The following PRDM8 variants were observed in gnomAD, a reference collection of about 807,000 sequenced individuals.
PRDM8 encodes the protein PR domain zinc finger protein 8.
In PRDM8, 13 loss-of-function variants were observed where a neutral mutation model predicts 46.5. The observed-to-expected ratio is 0.28, with a 90% confidence interval of 0.18 to 0.44. The LOEUF (loss-of-function observed/expected upper bound fraction) is 0.44. Ranked by LOEUF, PRDM8 falls within the 20% of genes least tolerant of loss-of-function variation. The pLI is 1.00. For synonymous variants in PRDM8, 473 were observed against 438.4 expected, an observed-to-expected ratio of 1.08 and a Z score of -0.98; for missense variants, 998 against 955.0, an observed-to-expected ratio of 1.04 and a Z score of -0.59.
chr4:80,187,249 C>CGGGG (rs138488658), intron 1 of PRDM8, among the ~76,000 whole-genome samples: 3 of 121,638 alleles, frequency 2.5e-5, no homozygotes, highest in Non-Finnish European at 5.8e-5. Flanking sequence ...TGCCCTGGGG[C>CGGGG]GGGGGGAAGC....
chr4:80,203,877 A>T lies in PRDM8; in HGVS notation c.*345A>T, dbSNP rs1160004125. ...TCCCCAAAACAAAGGTACATTTTTT[A>T]AAATGTCATATATTGCAACATATTG... is the stretch of plus-strand genomic sequence containing the variant. On this transcript the variant is annotated 3_prime_UTR_variant, in exon 4 of 4. Transcript: ENST00000415738. The T allele has an allele frequency of 5.1e-6, 1 of 196,598 alleles. No homozygotes were observed. The highest frequency in any genetic ancestry group is 1.1e-5 in the Non-Finnish European group (1 of 95,020). The allele number at this position is 196,598 out of a possible 1,614,324, so 12.2% of individuals were successfully genotyped here. A position where few individuals can be genotyped will look rare whatever the true frequency, so the allele number is the denominator to read the frequency against.
rs1160871127 is a variant in PRDM8, at chr4:80,203,076, T to C, written c.1614T>C (p.Tyr538=). The change falls in exon 4 of 4, where the codon TAT becomes TAC. Residue 538 remains tyrosine, a synonymous_variant. Transcript: ENST00000415738. The part of the protein sequence containing the change: ...PADGVGPTRL[Y]PAAADPLAVK... ...ACGGCGTGGGCCCCACCAGACTCTA[T>C]CCCGCCGCCGCGGACCCTCTAGCGG... 2 of 1,567,296 alleles carry C rather than the reference T, an allele frequency of 1.3e-6. No homozygotes were observed. Among genetic ancestry groups the C allele is most frequent in the African/African-American group, 2.8e-5 (2 of 72,568 alleles).
Position 80,202,745 on chromosome 4 carries a change from C to A in PRDM8, c.1283C>A (p.Ala428Glu). The part of the protein sequence containing the change: ...GGGGSSTPAA[A>E]SPVGAEKLLA... ...GGCGGCTCCTCCACGCCCGCGGCCG[C>A]GTCACCGGTGGGCGCCGAGAAGCTG... The change falls in exon 4 of 4, where the codon GCG (alanine) becomes GAG (glutamate). Residue 428 changes from alanine to glutamate, a missense_variant. Coordinates refer to ENST00000415738, the MANE Select transcript of PRDM8 (RefSeq NM_001099403.2). 1 of 1,287,250 alleles carries A rather than the reference C, an allele frequency of 7.8e-7. No individual in the cohort carries two copies. 79.7% of individuals were successfully genotyped at this position (1,287,250 alleles called of 1,614,324 possible). A position where few individuals can be genotyped will look rare whatever the true frequency, so the allele number is the denominator to read the frequency against.
At chr4:80,200,048 T>C (rs761756725) in intron 1 of PRDM8, 31 bp from the exon 2 acceptor site, 9 of 1,565,666 alleles carry the variant, frequency 5.7e-6, no homozygotes, top group Middle Eastern at 1.7e-4. Flanking sequence ...GTAACATAAC[T>C]CACTTTCTTG....
At chr4:80,199,018 T>TA (rs750349617) in intron 1 of PRDM8, among the ~76,000 whole-genome samples, 2,633 of 86,958 alleles carry the variant, frequency 0.03, 87 homozygotes, top group East Asian at 0.12. Context: ...TTTTTTTTTT[T>TA]AGTGATAAGT....
chr4:80,197,301 G>T (rs1205101279), upstream of PRDM8: 10 of 972,180 alleles, frequency 1.0e-5, no homozygotes, highest in Non-Finnish European at 1.2e-5. Flanking sequence ...GGGCCGGGAC[G>T]CTCTCTGAGA....
rs1203666873 is a variant in PRDM8, at chr4:80,203,412, G to C, written c.1950G>C (p.Lys650Asn). ...ACCATATGAGGTCGCACCACAAAAAGGAGTATGCGATGGAGCCCTTGGTGA... is the reference window on the plus strand; with the variant it reads ...ACCATATGAGGTCGCACCACAAAAACGAGTATGCGATGGAGCCCTTGGTGA... ...LVYHMRSHHK[K>N]EYAMEPLVKR... The change falls in exon 4 of 4, where the codon AAG becomes AAC. Residue 650 changes from lysine to asparagine, a missense_variant. By Grantham distance (94) the Lys-to-Asn change is moderately conservative. Coordinates refer to ENST00000415738, the MANE Select transcript of PRDM8 (RefSeq NM_001099403.2). 6.2e-7 allele frequency: 1 copy of C among 1,613,848 alleles called. No homozygotes were observed. Among genetic ancestry groups the C allele is most frequent in the East Asian group, 2.2e-5 (1 of 44,852 alleles).
upstream of PRDM8, chr4:80,196,336 G>A: frequency 1.0e-6 from 1 of 985,384 alleles, no homozygotes; most frequent in South Asian, 4.7e-5. Flanking sequence ...CCACTCAAAG[G>A]CCTTTCTTCC....
In PRDM8 at chr4:80,200,205, G is replaced by C. The variant is rs915469313; in HGVS notation, c.125G>C (p.Gly42Ala). ...TCDIPENAIFGPCVLSHTSLY... is the reference protein window; with the variant it reads ...TCDIPENAIFAPCVLSHTSLY... ...GACATCCCTGAGAATGCTATATTTG[G>C]TCCCTGTGTCCTGAGCCATACTTCC... The change falls in exon 2 of 4, where the codon GGT becomes GCT. Residue 42 changes from glycine to alanine, a missense_variant. Coordinates refer to ENST00000415738, the MANE Select transcript of PRDM8 (RefSeq NM_001099403.2). 1 of 1,613,940 alleles carries C rather than the reference G, an allele frequency of 6.2e-7. No homozygotes were observed. Among genetic ancestry groups the C allele is most frequent in the Non-Finnish European group, 8.5e-7 (1 of 1,179,998 alleles).
At chr4:80,200,402 A>G in intron 2 of PRDM8, 103 bp downstream of exon 2, 1 of 1,034,656 alleles carries the variant, frequency 9.7e-7, no homozygotes, top group Non-Finnish European at 1.4e-6. Context: ...TTGCCTGTGG[A>G]AAAATGCAAT....
At chr4:80,186,899 T>C (rs1332410788) in intron 1 of PRDM8, among the ~76,000 whole-genome samples, 2 of 152,232 alleles carry the variant, frequency 1.3e-5, no homozygotes, top group Non-Finnish European at 2.9e-5. Context: ...CCTTTCTCTG[T>C]GCTGCTTTCC....
chr4:80,202,323 C>G lies in PRDM8; in HGVS notation c.861C>G (p.Ser287Arg), dbSNP rs768031665. Residue 287 changes from serine (S) to arginine (R), a missense_variant, in exon 4 of 4, where the codon AGC (serine) becomes AGG (arginine). Coordinates refer to ENST00000415738, the MANE Select transcript of PRDM8 (RefSeq NM_001099403.2). ...CSPAQSLSSG[S>R]GSGGGGGHQE... The stretch of plus-strand genomic sequence containing the variant: ...CAGCCCAGAGCCTCAGCAGCGGTAG[C>G]GGCAGCGGCGGCGGCGGCGGCCACC... 2.5e-6 allele frequency: 4 copies of G among 1,606,940 alleles called. No homozygotes were observed. The African/African-American group carries it at 5.4e-5, about 22-fold the overall frequency.
chr4:80,201,547 G>C (rs754859311), intron 3 of PRDM8, 26 bp downstream of exon 3: 51 of 1,603,196 alleles, frequency 3.2e-5, no homozygotes, highest in Non-Finnish European at 4.2e-5. Flanking sequence ...ACCGGCGTGT[G>C]GGCCCTTAAC....
At position 80,203,062 on chromosome 4, in the gene PRDM8, C is replaced by T. The variant is rs767271678; in HGVS notation, c.1600C>T (p.Pro534Ser). The T allele has an allele frequency of 1.9e-6, 3 of 1,564,232 alleles. No individual in the cohort carries two copies. Among genetic ancestry groups the T allele is most frequent in the Middle Eastern group, 1.8e-4 (1 of 5,536 alleles). ...EPCHPADGVG[P>S]TRLYPAAADP... The stretch of plus-strand genomic sequence containing the variant: ...ATGCCACCCCGCCGACGGCGTGGGC[C>T]CCACCAGACTCTATCCCGCCGCCGC... Residue 534 changes from proline (P) to serine (S), a missense_variant, in exon 4 of 4, where the codon CCC becomes TCC. Pro to Ser is a moderately conservative substitution (Grantham distance 74). Coordinates refer to ENST00000415738, the MANE Select transcript of PRDM8 (RefSeq NM_001099403.2).
At chr4:80,188,661 G>A (rs756878256) in intron 1 of PRDM8, among the ~76,000 whole-genome samples, 1 of 152,212 alleles carries the variant, frequency 6.6e-6, no homozygotes, top group Non-Finnish European at 1.5e-5. Flanking sequence ...AAGAGCAACT[G>A]GGAACCCACA....
At chr4:80,195,177 G>A (rs1374973486), upstream of PRDM8, among the ~76,000 whole-genome samples, 1 of 152,102 alleles carries the variant, frequency 6.6e-6, no homozygotes, top group East Asian at 1.9e-4. Context: ...AAGCATTAAG[G>A]AGTGTTCTGT....
rs1300142401 is a variant in PRDM8, at chr4:80,199,134, C to G, written c.-2-945C>G. Among the ~76,000 whole-genome samples, 6 of 151,710 alleles carry G rather than the reference C, an allele frequency of 4.0e-5. No homozygotes were observed. In the South Asian group the frequency reaches 8.3e-4, roughly 21 times the overall value. Reference sequence around the variant, plus strand: ...TGCTGCGGATTAAACAGCTGGGGAGCCCACTGAGGAGTGCTCAAGCAGGGC... The same window carrying G: ...TGCTGCGGATTAAACAGCTGGGGAGGCCACTGAGGAGTGCTCAAGCAGGGC... On this transcript the variant is annotated intron_variant, in intron 1 of 3. Transcript: ENST00000415738.
upstream of PRDM8, chr4:80,196,933 A>G (rs1738005856): frequency 1.4e-5 from 14 of 985,340 alleles, no homozygotes; most frequent in Non-Finnish European, 1.7e-5. Context: ...CCAAGTTCTC[A>G]CCAAAGCGCA....
chr4:80,201,349 A>G lies in PRDM8; in HGVS notation c.279A>G (p.Gln93=), dbSNP rs747724937. ...SEGLMWLRLV[Q]SARDKEEQNL... Reference sequence around the variant, plus strand: ...GTCTCATGTGGCTGCGGTTGGTCCAATCGGCCAGAGATAAGGAAGAGCAGA... The same window carrying G: ...GTCTCATGTGGCTGCGGTTGGTCCAGTCGGCCAGAGATAAGGAAGAGCAGA... The change falls in exon 3 of 4, where the codon CAA becomes CAG. Residue 93 remains glutamine, a synonymous_variant. Transcript: ENST00000415738. 3 of 1,614,212 alleles carry G rather than the reference A, an allele frequency of 1.9e-6. No homozygotes were observed. The highest frequency in any genetic ancestry group is 2.2e-5 in the East Asian group (1 of 44,880).
Sources: allele counts gnomAD v4.1 joint callset (sites outside exome capture counted in the v4.1 genomes callset), GRCh38; gene constraint gnomAD v4.1.1; transcripts MANE v1.5; gene names NCBI Gene and HGNC (gene_info 2026-07-23, HGNC 2026-07-21).